Variants in HCN4 observed in about 807,000 individuals in gnomAD.
HCN4 encodes hyperpolarization activated cyclic nucleotide gated potassium channel 4, also known as potassium/sodium hyperpolarization-activated cyclic nucleotide-gated channel 4.
In HCN4, 29 loss-of-function variants were observed where a neutral mutation model predicts 76.9. The ratio of observed to expected loss-of-function variants is 0.38; its 90% confidence interval spans 0.28 to 0.51. The LOEUF (loss-of-function observed/expected upper bound fraction) is 0.51. HCN4 is among the 20% of genes least tolerant of loss of function. HCN4 has a pLI of 0.90. For synonymous variants in HCN4, 772 were observed against 762.5 expected (o/e 1.01, Z -0.21); for missense variants, 1,416 against 1,715.2 (o/e 0.83, Z 3.08).
rs531592382 is a variant in HCN4 at position 73,339,135 on chromosome 15, G to A, written c.1209+4250C>T. 3.3e-5 allele frequency among the ~76,000 whole-genome samples: 5 copies of A among 152,300 alleles called. No individual in the cohort carries two copies. In the East Asian group the frequency reaches 5.8e-4, roughly 18 times the overall value. ...GGAGTGCTGAGCCTTGCAGGGTAACGTCCAAAGAAGGGTAACCATGGTTTC... is the reference window on the plus strand; with the variant it reads ...GGAGTGCTGAGCCTTGCAGGGTAACATCCAAAGAAGGGTAACCATGGTTTC... On this transcript the variant is annotated intron_variant, in intron 2 of 7. Coordinates refer to ENST00000261917, the MANE Select transcript of HCN4 (RefSeq NM_005477.3).
rs142286704 is a variant in HCN4, at chr15:73,328,440, C to T, written c.1590+1133G>A. On this transcript the variant is annotated intron_variant, in intron 4 of 7. Transcript: ENST00000261917. The surrounding 1 kb of genome is among the most constrained non-coding windows in gnomAD (Gnocchi z 4.0). Reference sequence around the variant, plus strand: ...GAGTTAATCTACATCTTCAGAGCAACGTGAAGTCCCTGAAGAGTTTCAAGC... The same window carrying T: ...GAGTTAATCTACATCTTCAGAGCAATGTGAAGTCCCTGAAGAGTTTCAAGC... Among the ~76,000 whole-genome samples, 478 of 152,012 alleles carry T rather than the reference C, an allele frequency of 3.1e-3. 1 individual carries two copies. The highest frequency in any genetic ancestry group is 0.014 in the South Asian group (67 of 4,816).
rs1247194443 is a variant in HCN4 at position 73,368,237 on chromosome 15, G to A, written c.34C>T (p.Leu12Phe). The change falls in exon 1 of 8, where the codon CTC becomes TTC. Residue 12 changes from leucine to phenylalanine, a missense_variant. Leu to Phe is a conservative substitution (Grantham distance 22, BLOSUM62 0). Coordinates refer to ENST00000261917, the MANE Select transcript of HCN4 (RefSeq NM_005477.3). This position sits in a 1 kb window ranked among gnomAD's most constrained non-coding sequence, Gnocchi z 6.9. ...CCCACCTGCTGCGGGAGGCTGTAGA[G>A]CCGCTTGCGCATGGACGGCGGCAGC... ...DKLPPSMRKR[L>F]YSLPQQVGAK... 1 of 1,512,728 alleles carries A rather than the reference G, an allele frequency of 6.6e-7. No homozygotes were observed. Among genetic ancestry groups the A allele is most frequent in the Non-Finnish European group, 8.8e-7 (1 of 1,133,016 alleles). 93.7% of individuals were successfully genotyped at this position (1,512,728 alleles called of 1,614,324 possible). A position where few individuals can be genotyped will look rare whatever the true frequency, so the allele number is the denominator to read the frequency against.
chr15:73,323,320 G>C lies in HCN4; in HGVS notation c.2773C>G (p.Leu925Val). The C allele has an allele frequency of 4.5e-6, 7 of 1,559,012 alleles. No homozygotes were observed. Among genetic ancestry groups the C allele is most frequent in the Non-Finnish European group, 4.3e-6 (5 of 1,151,190 alleles). Residue 925 changes from leucine to valine, a missense_variant, in exon 8 of 8, where the codon CTG (leucine) becomes GTG (valine). Transcript: ENST00000261917. ...GGSLSSSDSP[L>V]LTPLQPGARS... ...GCGCCTGGCTGCAGCGGGGTGAGCAGGGGAGAGTCGGAGGAGGACAGGGAG... is the reference window on the plus strand; with the variant it reads ...GCGCCTGGCTGCAGCGGGGTGAGCACGGGAGAGTCGGAGGAGGACAGGGAG...
intron 1 of HCN4, among the ~76,000 whole-genome samples, chr15:73,363,590 TG>T (rs1162534126): frequency 6.6e-6 from 1 of 152,164 alleles, no homozygotes; most frequent in African/African-American, 2.4e-5. Flanking sequence ...AGAAATTAAG[TG>T]CCACACTCTA....
rs754578129 is a variant in HCN4 at position 73,325,523 on chromosome 15, C to T, written c.1591-79G>A. On this transcript the variant is annotated intron_variant, in intron 4 of 7. Coordinates refer to ENST00000261917, the MANE Select transcript of HCN4 (RefSeq NM_005477.3). The surrounding 1 kb of genome is among the most constrained non-coding windows in gnomAD (Gnocchi z 7.4). Reference sequence around the variant, plus strand: ...CCAGCCCCACCACCTCGGCAGGCACCACATCCGGGCACCCACCCCGGGGGA... The same window carrying T: ...CCAGCCCCACCACCTCGGCAGGCACTACATCCGGGCACCCACCCCGGGGGA... 4 of 1,406,886 alleles carry T rather than the reference C, an allele frequency of 2.8e-6. No homozygotes were observed. The highest frequency in any genetic ancestry group is 3.0e-6 in the Non-Finnish European group (3 of 991,764). 87.2% of individuals were successfully genotyped at this position (1,406,886 alleles called of 1,614,324 possible). A position where few individuals can be genotyped will look rare whatever the true frequency, so the allele number is the denominator to read the frequency against.
chr15:73,341,265 C>T (rs558965788), intron 2 of HCN4, among the ~76,000 whole-genome samples: 87 of 152,048 alleles, frequency 5.7e-4, no homozygotes, highest in Admixed American at 2.6e-3. Flanking sequence ...TTCAGCCTCC[C>T]GAGTAGCTGG....
chr15:73,329,020 T>A (rs1461181322), intron 4 of HCN4, among the ~76,000 whole-genome samples: 1 of 152,112 alleles, frequency 6.6e-6, no homozygotes, highest in African/African-American at 2.4e-5. Flanking sequence ...GGGCTGCTGA[T>A]GCTGTGCAGG....
intron 2 of HCN4, among the ~76,000 whole-genome samples, chr15:73,339,762 G>C (rs976647085): frequency 2.6e-5 from 4 of 152,166 alleles, no homozygotes; most frequent in African/African-American, 9.7e-5. Context: ...GGGTCTTTCT[G>C]CTGCTGCCTC....
rs551577202 is a variant in HCN4, at chr15:73,337,870, G to A, written c.1209+5515C>T. 1.1e-4 allele frequency among the ~76,000 whole-genome samples: 17 copies of A among 152,306 alleles called. No individual in the cohort carries two copies. The East Asian group carries it at 1.5e-3, about 14-fold the overall frequency. On this transcript the variant is annotated intron_variant, in intron 2 of 7. Transcript: ENST00000261917. ...TCTCCTGCAGGGGACACAGACTTCC[G>A]TGTCCTACTGAGAGCATGGTGGTGG...
In HCN4 at chr15:73,322,774, G is replaced by T; in HGVS notation, c.3319C>A (p.His1107Asn). 1 of 1,556,910 alleles carries T rather than the reference G, an allele frequency of 6.4e-7. No individual in the cohort carries two copies. Among genetic ancestry groups the T allele is most frequent in the Non-Finnish European group, 8.7e-7 (1 of 1,149,832 alleles). The change falls in exon 8 of 8, where the codon CAC becomes AAC. Residue 1107 changes from histidine to asparagine, a missense_variant. Physicochemically the swap from His to Asn is moderately conservative, Grantham distance 68. Around this residue, in one of 6 missense-constraint regions of HCN4, gnomAD observed 633 missense variants for 579.8 expected, o/e 1.09. Coordinates refer to ENST00000261917, the MANE Select transcript of HCN4 (RefSeq NM_005477.3). The stretch of plus-strand genomic sequence containing the variant: ...GCAGCCATGGACTCCCCTGAGGAGT[G>T]CGGGGAGGCTCTGCGGAGAGTCTGC... ...GAQTLRRASP[H>N]SSGESMAAFP...
rs187942398 is a variant in HCN4, at chr15:73,322,125, G to C, written c.*356C>G. The C allele has an allele frequency of 9.9e-6, 3 of 303,056 alleles. No homozygotes were observed. The East Asian group carries it at 2.6e-4, about 27-fold the overall frequency. The allele number at this position is 303,056 out of a possible 1,614,324, so 18.8% of individuals were successfully genotyped here. The stretch of plus-strand genomic sequence containing the variant: ...GCTGATGGCAGCTGTTTCTCTAAAT[G>C]AACACAATGACACATCTGCTCTAAG... On this transcript the variant is annotated 3_prime_UTR_variant, in exon 8 of 8. Transcript: ENST00000261917.
chr15:73,362,014 T>C (rs1373640813), intron 1 of HCN4, among the ~76,000 whole-genome samples: 2 of 152,226 alleles, frequency 1.3e-5, no homozygotes, highest in Non-Finnish European at 2.9e-5. Context: ...CTCTGGCCCT[T>C]TGGATGGGAG....
rs768734319 is a variant in HCN4 at position 73,367,674 on chromosome 15, C to G, written c.597G>C (p.Gln199His). The change falls in exon 1 of 8, where the codon CAG becomes CAC. Residue 199 changes from glutamine to histidine, a missense_variant. By Grantham distance (24) the Gln-to-His change is conservative (BLOSUM62 0). Coordinates refer to ENST00000261917, the MANE Select transcript of HCN4 (RefSeq NM_005477.3). This position sits in a 1 kb window ranked among gnomAD's most constrained non-coding sequence, Gnocchi z 7.5. ...KVEGGAAAGD[Q>H]ILPEAEVRLG... ...GGCGCACCTCGGCCTCCGGGAGGAT[C>G]TGGTCGCCGGCAGCCGCGCCTCCCT... 1 of 1,604,544 alleles carries G rather than the reference C, an allele frequency of 6.2e-7. No individual in the cohort carries two copies.
chr15:73,322,817 G>A lies in HCN4; in HGVS notation c.3276C>T (p.Ala1092=), dbSNP rs1370521798. The A allele has an allele frequency of 5.9e-6, 9 of 1,532,300 alleles. No individual in the cohort carries two copies. Among genetic ancestry groups the A allele is most frequent in the African/African-American group, 4.1e-5 (3 of 73,332 alleles). The allele number at this position is 1,532,300 out of a possible 1,614,324, so 94.9% of individuals were successfully genotyped here. A position where few individuals can be genotyped will look rare whatever the true frequency, so the allele number is the denominator to read the frequency against. The change falls in exon 8 of 8, where the codon GCC becomes GCT. Residue 1092 remains alanine (A), a synonymous_variant. Coordinates refer to ENST00000261917, the MANE Select transcript of HCN4 (RefSeq NM_005477.3). ...GAGTCTGCGCCCCGTCCTGAGGCAG[G>A]GCTGGCTGAGACGCGGAGATGAGCT... is the stretch of plus-strand genomic sequence containing the variant. ...DLKLISASQP[A]LPQDGAQTLR...
chr15:73,357,666 C>G (rs1354988103), intron 1 of HCN4, among the ~76,000 whole-genome samples: 1 of 152,102 alleles, frequency 6.6e-6, no homozygotes, highest in Admixed American at 6.5e-5. Context: ...GAAAAGAAAG[C>G]CTGGCCTCCA....
Position 73,367,470 on chromosome 15 carries a change from C to A in HCN4, c.785+16G>T, listed in dbSNP as rs2043133737. On this transcript the variant is annotated intron_variant, in intron 1 of 7. Transcript: ENST00000261917. The surrounding 1 kb of genome is among the most constrained non-coding windows in gnomAD (Gnocchi z 7.5). Reference sequence around the variant, plus strand: ...CCGCGCAGGGCACCCACAGGATCATCGCTGTGGCCCCTTACCTGAAGTCAC... The same window carrying A: ...CCGCGCAGGGCACCCACAGGATCATAGCTGTGGCCCCTTACCTGAAGTCAC... 2 of 1,612,562 alleles carry A rather than the reference C, an allele frequency of 1.2e-6. No homozygotes were observed. Among genetic ancestry groups the A allele is most frequent in the East Asian group, 2.2e-5 (1 of 44,868 alleles).
chr15:73,363,413 A>C (rs1245742340), intron 1 of HCN4, among the ~76,000 whole-genome samples: 2 of 152,192 alleles, frequency 1.3e-5, no homozygotes, highest in Non-Finnish European at 2.9e-5. Flanking sequence ...TCCTGCTGGC[A>C]ATGGGAGGCC....
chr15:73,329,538 G>A, intron 4 of HCN4, 35 bp downstream of exon 4: 1 of 1,603,320 alleles, frequency 6.2e-7, no homozygotes. Flanking sequence ...CTCTTGGGAG[G>A]GACCAATGTG....
At chr15:73,326,111 C>T (rs2042897746) in intron 4 of HCN4, among the ~76,000 whole-genome samples, 2 of 152,042 alleles carry the variant, frequency 1.3e-5, no homozygotes, top group South Asian at 4.1e-4. Context: ...CGATCCTGCC[C>T]GCCCTCACTG....
Sources: allele counts gnomAD v4.1 joint callset (sites outside exome capture counted in the v4.1 genomes callset), GRCh38; gene constraint gnomAD v4.1.1; regional missense constraint gnomAD v4.1.1; non-coding constraint Gnocchi (gnomAD v3.1); transcripts MANE v1.5; gene names NCBI Gene and HGNC (gene_info 2026-07-23, HGNC 2026-07-21).